Variants in CRPPA observed in about 807,000 individuals in gnomAD.
CRPPA encodes D-ribitol-5-phosphate cytidylyltransferase.
Under a neutral mutation model 52.0 loss-of-function variants are expected in CRPPA, and 43 were observed. That is an observed-to-expected ratio of 0.83 (90% CI 0.65 to 1.07). The LOEUF is 1.07. Ranked by LOEUF, CRPPA falls within the 50% of genes least tolerant of loss-of-function variation. The probability of loss-of-function intolerance (pLI) is 0.00; values close to 1 mark genes in which losing one functional copy is unlikely to be tolerated. For synonymous variants in CRPPA, 250 were observed against 203.5 expected, an observed-to-expected ratio of 1.23 and a Z score of -1.94; for missense variants, 629 against 551.7, an observed-to-expected ratio of 1.14 and a Z score of -1.40.
chr7:16,151,241 A>T (rs2128378867), intron 9 of CRPPA, among the ~76,000 whole-genome samples: 1 of 152,312 alleles, frequency 6.6e-6, no homozygotes, highest in African/African-American at 2.4e-5. Flanking sequence ...CTTCTAAAGC[A>T]GGTAATATTT....
chr7:16,342,553 C>T (rs759435182), intron 3 of CRPPA, among the ~76,000 whole-genome samples: 1 of 151,342 alleles, frequency 6.6e-6, no homozygotes, highest in African/African-American at 2.4e-5. Flanking sequence ...AAGTCAATAA[C>T]GAAGCTTTGT....
chr7:16,331,038 C>T (rs140439834), intron 3 of CRPPA, among the ~76,000 whole-genome samples: 133 of 152,256 alleles, frequency 8.7e-4, no homozygotes, highest in African/African-American at 3.0e-3. Context: ...CTCGCTCTGA[C>T]GCCCAGGCTG....
At chr7:16,181,323 T>G (rs1356224638) in intron 9 of CRPPA, among the ~76,000 whole-genome samples, 2 of 152,002 alleles carry the variant, frequency 1.3e-5, no homozygotes, top group African/African-American at 4.8e-5. Flanking sequence ...GAATTTAAAA[T>G]ACATCAATAT....
intron 9 of CRPPA, among the ~76,000 whole-genome samples, chr7:16,107,083 G>C (rs1239026347): frequency 6.6e-6 from 1 of 151,692 alleles, no homozygotes; most frequent in Non-Finnish European, 1.5e-5. Flanking sequence ...TAGTGAAGAA[G>C]AACACAAAAG....
Position 16,363,934 on chromosome 7 carries a change from T to C in CRPPA, c.684+12158A>G, listed in dbSNP as rs2128309835. ...AGCAAATGTCAGTTAGAAAACATGA[T>C]AGAAAATAACATATTAGAACAGATA... On this transcript the variant is annotated intron_variant, in intron 3 of 9. Transcript: ENST00000407010. Among the ~76,000 whole-genome samples, 3 of 152,258 alleles carry C rather than the reference T, an allele frequency of 2.0e-5. No homozygotes were observed. In the East Asian group the frequency reaches 5.8e-4, roughly 29 times the overall value.
chr7:16,278,181 T>A lies in CRPPA; in HGVS notation c.881A>T (p.Asp294Val), dbSNP rs547473863. 6.3e-7 allele frequency: 1 copy of A among 1,583,690 alleles called. No homozygotes were observed. The change falls in exon 6 of 10, where the codon GAT becomes GTT. Residue 294 changes from aspartate (D) to valine (V), a missense_variant. Asp to Val is a radical substitution (Grantham distance 152). Transcript: ENST00000407010. ...EICVVMDTEE[D>V]NKHVGHLLEE... is the part of the protein sequence containing the mutation. ...AAGAAGATGACCTACATGTTTGTTA[T>A]CTTCTTCTGTATCCATAACTACACA...
At chr7:16,393,951 A>G (rs1787507079) in intron 2 of CRPPA, among the ~76,000 whole-genome samples, 1 of 152,138 alleles carries the variant, frequency 6.6e-6, no homozygotes, top group Non-Finnish European at 1.5e-5. Flanking sequence ...TGCCCAACCT[A>G]TTAACAAAAT....
intron 5 of CRPPA, among the ~76,000 whole-genome samples, chr7:16,290,448 C>T (rs1562611493): frequency 6.6e-6 from 1 of 151,754 alleles, no homozygotes; most frequent in Non-Finnish European, 1.5e-5. Flanking sequence ...TAGTTTAAAA[C>T]AGACACAGAA....
intron 5 of CRPPA, among the ~76,000 whole-genome samples, chr7:16,285,806 T>C (rs1464136987): frequency 6.6e-6 from 1 of 151,198 alleles, no homozygotes; most frequent in Non-Finnish European, 1.5e-5. Context: ...GTGGATCACC[T>C]GAGGTCAGGA....
intron 2 of CRPPA, among the ~76,000 whole-genome samples, chr7:16,379,865 C>G (rs1391767929): frequency 6.6e-6 from 1 of 152,140 alleles, no homozygotes; most frequent in Non-Finnish European, 1.5e-5. Flanking sequence ...GCTGAAGTTG[C>G]TTATCACCTT....
intron 9 of CRPPA, among the ~76,000 whole-genome samples, chr7:16,159,192 A>AGCC (rs2083811586): frequency 6.6e-6 from 1 of 152,084 alleles, no homozygotes; most frequent in Non-Finnish European, 1.5e-5. Flanking sequence ...TGAGGTGGGC[A>AGCC]GATCACCTAA....
intron 5 of CRPPA, among the ~76,000 whole-genome samples, chr7:16,280,622 C>A (rs186535322): frequency 6.0e-4 from 92 of 152,214 alleles, no homozygotes; most frequent in African/African-American, 2.2e-3. Context: ...CATCATATAT[C>A]CCTCTTTATA....
chr7:16,248,455 A>G (rs1783341486), intron 8 of CRPPA, among the ~76,000 whole-genome samples: 1 of 152,210 alleles, frequency 6.6e-6, no homozygotes, highest in African/African-American at 2.4e-5. Flanking sequence ...GGGTGCCTGT[A>G]GAGCCACAGC....
At position 16,217,735 on chromosome 7, in the gene CRPPA, T is replaced by G. The variant is rs1229846680; in HGVS notation, c.1120-1538A>C. Among the ~76,000 whole-genome samples, 48 of 140,834 alleles carry G rather than the reference T, an allele frequency of 3.4e-4. No homozygotes were observed. The East Asian group carries it at 3.8e-3, about 11-fold the overall frequency. The allele number at this position is 140,834 out of a possible 152,430, so 92.4% of individuals were successfully genotyped here. A position where few individuals can be genotyped will look rare whatever the true frequency, so the allele number is the denominator to read the frequency against. On this transcript the variant is annotated intron_variant, in intron 8 of 9. Transcript: ENST00000407010. Reference sequence around the variant, plus strand: ...ATGAAATGAAGCGAGAAGGGAAGTTTAGAGAAAAAAGAATAAAAAGAAATG... The same window carrying G: ...ATGAAATGAAGCGAGAAGGGAAGTTGAGAGAAAAAAGAATAAAAAGAAATG...
intron 9 of CRPPA, among the ~76,000 whole-genome samples, chr7:16,169,555 G>A (rs1781135249): frequency 6.6e-6 from 1 of 152,214 alleles, no homozygotes; most frequent in African/African-American, 2.4e-5. Context: ...GGACAAGAAT[G>A]TAGGCAGCTT....
chr7:16,241,591 A>G (rs1783109115), intron 8 of CRPPA, among the ~76,000 whole-genome samples: 1 of 152,174 alleles, frequency 6.6e-6, no homozygotes, highest in Non-Finnish European at 1.5e-5. Flanking sequence ...TTAACAATTA[A>G]ACACTTATTT....
At position 16,147,783 on chromosome 7, in the gene CRPPA, T is replaced by C. The variant is rs371366745; in HGVS notation, c.1252-55984A>G. On this transcript the variant is annotated intron_variant, in intron 9 of 9. Transcript: ENST00000407010. Reference sequence around the variant, plus strand: ...ATATTAACAGGTATCCCAAGCATTCTACCATTTTTATTCTGACTTGCCTAA... The same window carrying C: ...ATATTAACAGGTATCCCAAGCATTCCACCATTTTTATTCTGACTTGCCTAA... Among the ~76,000 whole-genome samples, 17 of 152,146 alleles carry C rather than the reference T, an allele frequency of 1.1e-4. No individual in the cohort carries two copies. The East Asian group carries it at 2.5e-3, about 22-fold the overall frequency.
At chr7:16,283,683 G>A (rs1784365475) in intron 5 of CRPPA, among the ~76,000 whole-genome samples, 1 of 151,556 alleles carries the variant, frequency 6.6e-6, no homozygotes, top group Non-Finnish European at 1.5e-5. Context: ...TAGGAGGATG[G>A]TGAGTTTAGT....
chr7:16,397,462 C>T (rs1209190261), intron 2 of CRPPA, among the ~76,000 whole-genome samples: 3 of 152,166 alleles, frequency 2.0e-5, no homozygotes, highest in Non-Finnish European at 4.4e-5. Context: ...TGACACGTGA[C>T]ATGTGACTCA....
Sources: allele counts gnomAD v4.1 joint callset (sites outside exome capture counted in the v4.1 genomes callset), GRCh38; gene constraint gnomAD v4.1.1; transcripts MANE v1.5; gene names NCBI Gene and HGNC (gene_info 2026-07-23, HGNC 2026-07-21).